CASK: variants seen among roughly 807,000 people sequenced by gnomAD.
CASK encodes the protein calcium/calmodulin dependent serine protein kinase.
Under a neutral mutation model 82.9 loss-of-function variants are expected in CASK, and 4 were observed. The ratio of observed to expected loss-of-function variants is 0.05; its 90% CI spans 0.02 to 0.11. The LOEUF (loss-of-function observed/expected upper bound fraction) is 0.11. CASK is among the 10% of genes least tolerant of loss of function. The pLI is 1.00. For synonymous variants in CASK, 259 were observed against 253.5 expected, an observed-to-expected ratio of 1.02 and a Z score of -0.20; for missense variants, 358 against 720.9, an observed-to-expected ratio of 0.50 and a Z score of 5.76.
At chrX:41,842,510 T>C (rs1216095367) in intron 2 of CASK, among the ~76,000 whole-genome samples, 1 of 108,755 alleles carries the variant, frequency 9.2e-6, no homozygotes, top group African/African-American at 3.4e-5. Context: ...GAGGCGAAGG[T>C]TGCAGTGAGC....
chrX:41,755,430 A>C (rs934441914), intron 3 of CASK, among the ~76,000 whole-genome samples: 1 of 112,018 alleles, frequency 8.9e-6, no homozygotes, highest in Non-Finnish European at 1.9e-5. Flanking sequence ...GGAATGCAAA[A>C]CTTTTAACAT....
chrX:41,712,958 C>A (rs1161732901), intron 5 of CASK, among the ~76,000 whole-genome samples: 1 of 111,584 alleles, frequency 9.0e-6, no homozygotes, highest in Non-Finnish European at 1.9e-5. Flanking sequence ...GATTCACAGC[C>A]CACTACCCAC....
chrX:41,713,119 C>T (rs1005645022), intron 5 of CASK, among the ~76,000 whole-genome samples: 12 of 112,159 alleles, frequency 1.1e-4, no homozygotes, highest in Middle Eastern at 4.2e-3. Flanking sequence ...TCTGTCTAGA[C>T]AGCGGGCAAG....
chrX:41,545,094 C>T (rs1158185615), intron 21 of CASK, among the ~76,000 whole-genome samples: 2 of 109,933 alleles, frequency 1.8e-5, no homozygotes, highest in African/African-American at 3.3e-5. Context: ...GGTGCAATCT[C>T]GGCTCACTGT....
At chrX:41,824,855 T>C (rs914303937) in intron 2 of CASK, among the ~76,000 whole-genome samples, 2 of 111,751 alleles carry the variant, frequency 1.8e-5, no homozygotes, top group African/African-American at 3.3e-5. Context: ...GAGCATTCTA[T>C]CTCAGCCGTT....
At chrX:41,727,142 T>C in intron 5 of CASK, 1 of 1,203,253 alleles carries the variant, frequency 8.3e-7, no homozygotes, top group African/African-American at 1.7e-5. Context: ...TCTCAATGGA[T>C]ATTTTTAACA....
At chrX:41,555,747 G>A (rs2065152487) in intron 19 of CASK, 112 bp from the exon 20 acceptor site, 1 of 570,240 alleles carries the variant, frequency 1.8e-6, no homozygotes, top group East Asian at 3.6e-5. Flanking sequence ...GATTTAAGTT[G>A]TAAAGAGATA....
At chrX:41,882,277 T>C (rs2071966964) in intron 1 of CASK, among the ~76,000 whole-genome samples, 1 of 111,675 alleles carries the variant, frequency 9.0e-6, no homozygotes, top group South Asian at 3.7e-4. Context: ...GACATGTTAA[T>C]TTTTTTAAGA....
Position 41,848,641 on chromosome X carries a change from T to C in CASK, c.172+4474A>G, listed in dbSNP as rs762016960. ...AAATTACCCACTCTCAGGTATTCCT[T>C]TATAGAAACACAAATGTACTAAGAC... On this transcript the variant is annotated intron_variant, in intron 2 of 26. Coordinates refer to ENST00000378163, the MANE Select transcript of CASK (RefSeq NM_001367721.1). 2.0e-4 allele frequency among the ~76,000 whole-genome samples: 22 copies of C among 111,700 alleles called. 1 individual carries two copies. Among genetic ancestry groups the C allele is most frequent in the Non-Finnish European group, 3.4e-4 (18 of 53,178 alleles).
At chrX:41,763,726 T>G (rs1447627880) in intron 3 of CASK, among the ~76,000 whole-genome samples, 1 of 111,559 alleles carries the variant, frequency 9.0e-6, no homozygotes, top group Non-Finnish European at 1.9e-5. Context: ...TCTAGTTTCA[T>G]CCTTGCCATT....
At chrX:41,659,522 G>A (rs192602443) in intron 8 of CASK, among the ~76,000 whole-genome samples, 1 of 109,793 alleles carries the variant, frequency 9.1e-6, no homozygotes, top group East Asian at 2.9e-4. Context: ...CACCGCACCC[G>A]GCCAACTTGG....
At chrX:41,612,562 T>C (rs1163933006) in intron 11 of CASK, among the ~76,000 whole-genome samples, 1 of 101,364 alleles carries the variant, frequency 9.9e-6, no homozygotes, top group African/African-American at 3.7e-5. Flanking sequence ...AGCCGCCCCG[T>C]CCGGGAGGTG....
At chrX:41,830,113 C>T (rs1407313850) in intron 2 of CASK, among the ~76,000 whole-genome samples, 1 of 108,154 alleles carries the variant, frequency 9.2e-6, no homozygotes, top group African/African-American at 3.4e-5. Context: ...AATCCTCCCA[C>T]CTTACCCTCC....
chrX:41,820,392 T>A (rs1038040220), intron 2 of CASK, among the ~76,000 whole-genome samples: 1 of 111,224 alleles, frequency 9.0e-6, no homozygotes, highest in Non-Finnish European at 1.9e-5. Flanking sequence ...AAATTAAAAA[T>A]TTTAACATAA....
At chrX:41,785,681 C>T (rs1201754176) in intron 3 of CASK, among the ~76,000 whole-genome samples, 1 of 112,093 alleles carries the variant, frequency 8.9e-6, no homozygotes, top group Non-Finnish European at 1.9e-5. Context: ...TTGCTACAAA[C>T]TTGTAAAAAT....
intron 5 of CASK, among the ~76,000 whole-genome samples, chrX:41,715,846 T>C (rs12840432): frequency 1.8e-5 from 2 of 111,991 alleles, no homozygotes; most frequent in East Asian, 2.8e-4. Flanking sequence ...GAGACAGACA[T>C]TGCCCATGGC....
chrX:41,753,731 T>G (rs1470245546), intron 3 of CASK, among the ~76,000 whole-genome samples: 2 of 109,947 alleles, frequency 1.8e-5, no homozygotes, highest in Admixed American at 1.9e-4. Context: ...ACTAAAAATT[T>G]AAAAATTAGC....
At chrX:41,682,321 G>A (rs914265523) in intron 5 of CASK, among the ~76,000 whole-genome samples, 4 of 109,221 alleles carry the variant, frequency 3.7e-5, no homozygotes, top group Non-Finnish European at 1.9e-5. Context: ...GGGAGGCTGC[G>A]GTGGGCAGAT....
intron 1 of CASK, among the ~76,000 whole-genome samples, chrX:41,919,595 G>T (rs2072750772): frequency 8.9e-6 from 1 of 112,152 alleles, no homozygotes; most frequent in South Asian, 3.7e-4. Context: ...AACCTCATTT[G>T]CATAACGCCC....
Sources: allele counts gnomAD v4.1 joint callset (sites outside exome capture counted in the v4.1 genomes callset), GRCh38; gene constraint gnomAD v4.1.1; transcripts MANE v1.5; gene names NCBI Gene and HGNC (gene_info 2026-07-23, HGNC 2026-07-21).